The following SPECC1 variants were observed in gnomAD, a reference collection of about 807,000 sequenced individuals.
The protein encoded by SPECC1 is cytospin-B.
In SPECC1, 62 loss-of-function variants were observed where a neutral mutation model predicts 104.1. The observed-to-expected ratio is 0.60, with a 90% confidence interval of 0.49 to 0.74. The LOEUF is 0.74. Among genes scored for constraint, SPECC1 ranks in the 30% least tolerant of loss-of-function variants. The pLI, the probability that SPECC1 is intolerant of heterozygous loss-of-function variation, is 0.00. For synonymous variants in SPECC1, 513 were observed against 501.6 expected (o/e 1.02, Z -0.30); for missense variants, 1,306 against 1,310.5 (o/e 1.00, Z 0.05).
intron 4 of SPECC1, among the ~76,000 whole-genome samples, chr17:20,215,552 A>T (rs948651046): frequency 2.0e-5 from 3 of 152,196 alleles, no homozygotes; most frequent in South Asian, 2.1e-4. Context: ...TATTATAGTG[A>T]TCTCATTCTG....
At chr17:20,109,620 T>C (rs2048384273) in intron 2 of SPECC1, among the ~76,000 whole-genome samples, 1 of 152,196 alleles carries the variant, frequency 6.6e-6, no homozygotes, top group Admixed American at 6.5e-5. Context: ...ATTTCCTTTC[T>C]CACCTTTGAA....
Position 20,205,862 on chromosome 17 carries a change from T to C in SPECC1, c.1813T>C (p.Leu605=), listed in dbSNP as rs2036745748. 4 of 1,613,834 alleles carry C rather than the reference T, an allele frequency of 2.5e-6. No individual in the cohort carries two copies. The highest frequency in any genetic ancestry group is 1.1e-5 in the South Asian group (1 of 91,060). The change falls in exon 4 of 15, where the codon TTA becomes CTA. Residue 605 remains leucine (L), a synonymous_variant. Transcript: ENST00000395527. ...GTCTTGCAATGAGCTCAGACAAGAATTACTAAAGGCAAACGGTGAAATTAA... is the reference window on the plus strand; with the variant it reads ...GTCTTGCAATGAGCTCAGACAAGAACTACTAAAGGCAAACGGTGAAATTAA... ...ELSCNELRQE[L]LKANGEIKHV...
In SPECC1 at chr17:20,204,911, C is replaced by T. The variant is rs138624365; in HGVS notation, c.862C>T (p.Pro288Ser). 1 of 1,613,876 alleles carries T rather than the reference C, an allele frequency of 6.2e-7. No homozygotes were observed. Among genetic ancestry groups the T allele is most frequent in the African/African-American group, 1.3e-5 (1 of 74,862 alleles). The change falls in exon 4 of 15, where the codon CCA becomes TCA. Residue 288 changes from proline to serine, a missense_variant. Transcript: ENST00000395527. The part of the protein sequence containing the change: ...SITQESSFGS[P>S]TGNQMSSDID... ...AACTCAAGAGTCAAGCTTCGGAAGCCCAACTGGAAATCAGATGTCCAGTGA... is the reference window on the plus strand; with the variant it reads ...AACTCAAGAGTCAAGCTTCGGAAGCTCAACTGGAAATCAGATGTCCAGTGA...
At chr17:20,106,708 T>C (rs1230712625) in intron 2 of SPECC1, among the ~76,000 whole-genome samples, 1 of 152,194 alleles carries the variant, frequency 6.6e-6, no homozygotes, top group African/African-American at 2.4e-5. Context: ...CTTTCCACCA[T>C]GATTGTGAGG....
At chr17:20,313,235 C>CA (rs1272766588) in intron 14 of SPECC1, among the ~76,000 whole-genome samples, 7 of 151,938 alleles carry the variant, frequency 4.6e-5, no homozygotes, top group African/African-American at 1.7e-4. Flanking sequence ...AAAAATAAGC[C>CA]AAAAAATCAC....
chr17:20,129,885 C>T (rs2049520205), intron 3 of SPECC1, among the ~76,000 whole-genome samples: 2 of 152,270 alleles, frequency 1.3e-5, no homozygotes, highest in South Asian at 2.1e-4. Flanking sequence ...TCCCAAGAAG[C>T]TGGGATTATA....
intron 1 of SPECC1, among the ~76,000 whole-genome samples, chr17:20,045,586 A>G (rs898076567): frequency 2.0e-5 from 3 of 152,140 alleles, no homozygotes; most frequent in African/African-American, 7.2e-5. Flanking sequence ...TCTCTCACAT[A>G]TGGTGGCTGT....
intron 10 of SPECC1, among the ~76,000 whole-genome samples, chr17:20,254,468 G>A (rs1325354743): frequency 6.6e-6 from 1 of 152,130 alleles, no homozygotes; most frequent in Non-Finnish European, 1.5e-5. Context: ...ACATTAAAGC[G>A]CCTTGAACAT....
intron 3 of SPECC1, among the ~76,000 whole-genome samples, chr17:20,134,600 T>A (rs2049828842): frequency 6.6e-6 from 1 of 152,162 alleles, no homozygotes; most frequent in South Asian, 2.1e-4. Context: ...GAAAGGTACT[T>A]CTTATTGCTT....
At chr17:20,137,063 G>A (rs1439353115) in intron 3 of SPECC1, among the ~76,000 whole-genome samples, 1 of 152,176 alleles carries the variant, frequency 6.6e-6, no homozygotes, top group Admixed American at 6.5e-5. Flanking sequence ...CTTCACCATC[G>A]GAAACCACTC....
chr17:20,064,731 A>G (rs1005613264), intron 1 of SPECC1, among the ~76,000 whole-genome samples: 1 of 152,200 alleles, frequency 6.6e-6, no homozygotes, highest in Non-Finnish European at 1.5e-5. Context: ...GTTTCTAGCC[A>G]TGTACTTACA....
At chr17:20,159,865 G>A (rs1217769626) in intron 3 of SPECC1, among the ~76,000 whole-genome samples, 1 of 152,160 alleles carries the variant, frequency 6.6e-6, no homozygotes, top group Non-Finnish European at 1.5e-5. Context: ...GGGCATGGTT[G>A]TGCAATTTGT....
chr17:20,219,464 T>C (rs898316295), intron 4 of SPECC1, among the ~76,000 whole-genome samples: 12 of 152,206 alleles, frequency 7.9e-5, no homozygotes, highest in African/African-American at 2.9e-4. Flanking sequence ...CTGTTTGCCA[T>C]TTGTATGTCT....
chr17:20,194,525 T>TTTTG (rs2035896918), intron 3 of SPECC1, among the ~76,000 whole-genome samples: 3 of 143,206 alleles, frequency 2.1e-5, no homozygotes, highest in African/African-American at 8.0e-5. Flanking sequence ...TTTTTTTTTT[T>TTTTG]GAGACAGAGT....
chr17:20,109,511 T>TA (rs1597721726), intron 2 of SPECC1, among the ~76,000 whole-genome samples: 2 of 152,318 alleles, frequency 1.3e-5, no homozygotes, highest in East Asian at 3.9e-4. Context: ...TCTCCTTTCT[T>TA]AGACTTCAGC....
At chr17:20,203,458 G>T (rs2036565232) in intron 3 of SPECC1, among the ~76,000 whole-genome samples, 2 of 152,168 alleles carry the variant, frequency 1.3e-5, no homozygotes, top group African/African-American at 4.8e-5. Context: ...TACATTTGCT[G>T]TTACAAGTAT....
intron 1 of SPECC1, among the ~76,000 whole-genome samples, chr17:20,016,266 C>T (rs2152428227): frequency 6.6e-6 from 1 of 150,654 alleles, no homozygotes; most frequent in African/African-American, 2.4e-5. Context: ...CAAAACCAGA[C>T]TGTATTAAAA....
intron 1 of SPECC1, among the ~76,000 whole-genome samples, chr17:20,018,296 GC>G (rs1229261774): frequency 3.3e-5 from 5 of 152,140 alleles, no homozygotes; most frequent in African/African-American, 1.2e-4. Context: ...TTGGCCATCG[GC>G]ACTCTTGTTT....
At chr17:20,241,725 A>T (rs2039213083) in intron 7 of SPECC1, among the ~76,000 whole-genome samples, 1 of 152,198 alleles carries the variant, frequency 6.6e-6, no homozygotes, top group African/African-American at 2.4e-5. Context: ...TTTTACTGAA[A>T]TTTGAAAGTG....
Sources: allele counts gnomAD v4.1 joint callset (sites outside exome capture counted in the v4.1 genomes callset), GRCh38; gene constraint gnomAD v4.1.1; transcripts MANE v1.5; gene names NCBI Gene and HGNC (gene_info 2026-07-23, HGNC 2026-07-21).